The following CLHC1 variants were observed in gnomAD, a reference collection of about 807,000 sequenced individuals.
CLHC1 encodes the protein clathrin heavy chain linker domain-containing protein 1.
Under a neutral mutation model 69.5 loss-of-function variants are expected in CLHC1, and 72 were observed. The ratio of observed to expected loss-of-function variants is 1.04; its 90% CI spans 0.86 to 1.26. The LOEUF is 1.26. Among genes scored for constraint, CLHC1 ranks in the 50% most tolerant of loss-of-function variants. The probability of loss-of-function intolerance (pLI) is 0.00; values close to 1 mark genes in which losing one functional copy is unlikely to be tolerated. For missense variants in CLHC1, 790 were observed against 679.3 expected (o/e 1.16, Z -1.81); for synonymous variants, 223 against 224.3 (o/e 0.99, Z 0.05).
chr2:55,185,874 C>T (rs960027403), intron 9 of CLHC1, among the ~76,000 whole-genome samples: 2 of 152,130 alleles, frequency 1.3e-5, no homozygotes, highest in Non-Finnish European at 2.9e-5. Flanking sequence ...AGAAGTTCTG[C>T]TTCTACCAAT....
chr2:55,173,469 A>G lies in CLHC1; in HGVS notation c.*2321T>C, dbSNP rs1412574396. Among the ~76,000 whole-genome samples the G allele has an allele frequency of 1.3e-5, 2 of 152,190 alleles. No homozygotes were observed. The highest frequency in any genetic ancestry group is 3.8e-4 in the East Asian group (2 of 5,202). On this transcript the variant is annotated 3_prime_UTR_variant, in exon 13 of 13. Transcript: ENST00000401408. ...CAAGAAGCATTGGGAAATAATTTGT[A>G]CCTTTTCAGAATTACTGAATTTTAG...
Position 55,177,787 on chromosome 2 carries a change from G to A in CLHC1, c.1385-6C>T, listed in dbSNP as rs1215408847. 2 of 1,591,698 alleles carry A rather than the reference G, an allele frequency of 1.3e-6. No homozygotes were observed. Among genetic ancestry groups the A allele is most frequent in the Admixed American group, 1.8e-5 (1 of 54,784 alleles). ...TAATAGCTGCAACAGGTCATCTGAA[G>A]GCAAAAATGAAAAAGTTTATCTCAA... On this transcript the variant is annotated splice_region_variant and splice_polypyrimidine_tract_variant and intron_variant, in intron 11 of 12. Transcript: ENST00000401408.
chr2:55,186,440 A>T (rs1436572101), intron 9 of CLHC1, among the ~76,000 whole-genome samples: 1 of 152,158 alleles, frequency 6.6e-6, no homozygotes, highest in Admixed American at 6.5e-5. Flanking sequence ...CAAACAACTG[A>T]CTATAAAAGA....
intron 9 of CLHC1, among the ~76,000 whole-genome samples, chr2:55,187,513 G>A (rs1408287268): frequency 6.6e-6 from 1 of 151,794 alleles, no homozygotes; most frequent in East Asian, 1.9e-4. Context: ...CTCAGTGGTT[G>A]GGGCATAAGA....
At chr2:55,223,314 T>G (rs974645089) in intron 2 of CLHC1, among the ~76,000 whole-genome samples, 12 of 152,224 alleles carry the variant, frequency 7.9e-5, no homozygotes, top group Non-Finnish European at 1.6e-4. Context: ...AGGTCCGGAC[T>G]TCTGCTAAAA....
chr2:55,211,740 T>C (rs1346261313), intron 5 of CLHC1, among the ~76,000 whole-genome samples: 1 of 152,162 alleles, frequency 6.6e-6, no homozygotes, highest in Non-Finnish European at 1.5e-5. Flanking sequence ...TCTCAAAGTC[T>C]TTCTTTTTTC....
intron 12 of CLHC1, 113 bp downstream of exon 12, chr2:55,177,489 T>TC: frequency 1.6e-6 from 1 of 609,456 alleles, no homozygotes; most frequent in Non-Finnish European, 2.7e-6. Context: ...TAAAGTTAAC[T>TC]CTTGCTAAGA....
At chr2:55,200,478 T>C (rs559603204) in intron 9 of CLHC1, among the ~76,000 whole-genome samples, 1 of 152,136 alleles carries the variant, frequency 6.6e-6, no homozygotes, top group South Asian at 2.1e-4. Context: ...CAAGAGGACA[T>C]AACAATTGTA....
chr2:55,220,594 A>T (rs1674015761), intron 3 of CLHC1, among the ~76,000 whole-genome samples: 1 of 152,186 alleles, frequency 6.6e-6, no homozygotes, highest in Non-Finnish European at 1.5e-5. Flanking sequence ...TTAACACCAT[A>T]TGTTTTCTCT....
chr2:55,195,323 T>C (rs1482542987), intron 9 of CLHC1, among the ~76,000 whole-genome samples: 1 of 152,188 alleles, frequency 6.6e-6, no homozygotes, highest in Non-Finnish European at 1.5e-5. Context: ...CTTAGTATAA[T>C]GTGCTCCAGG....
At chr2:55,177,111 G>A (rs953707742) in intron 12 of CLHC1, among the ~76,000 whole-genome samples, 1 of 152,092 alleles carries the variant, frequency 6.6e-6, no homozygotes, top group Non-Finnish European at 1.5e-5. Flanking sequence ...GAGCTCAAGC[G>A]ATCCACCCGC....
chr2:55,209,872 G>A (rs1325531803), intron 5 of CLHC1, 41 bp from the exon 6 acceptor site: 3 of 1,334,004 alleles, frequency 2.2e-6, no homozygotes, highest in African/African-American at 1.5e-5. Context: ...CAAGCCATGT[G>A]TGGGACGCTT....
At position 55,184,263 on chromosome 2, in the gene CLHC1, G is replaced by A. The variant is rs536542904; in HGVS notation, c.1007-2519C>T. Among the ~76,000 whole-genome samples the A allele has an allele frequency of 1.2e-3, 184 of 151,850 alleles. No individual in the cohort carries two copies. In the Middle Eastern group the frequency reaches 0.017, roughly 14 times the overall value. ...TGGGACTATAGTAATGTGCCACCACGGCCGGCTAATTTTTTGTATTTTTTG... is the reference window on the plus strand; with the variant it reads ...TGGGACTATAGTAATGTGCCACCACAGCCGGCTAATTTTTTGTATTTTTTG... On this transcript the variant is annotated intron_variant, in intron 9 of 12. Coordinates refer to ENST00000401408, the MANE Select transcript of CLHC1 (RefSeq NM_152385.4).
intron 9 of CLHC1, among the ~76,000 whole-genome samples, chr2:55,198,649 A>G (rs1484070250): frequency 2.0e-5 from 3 of 152,172 alleles, no homozygotes; most frequent in African/African-American, 4.8e-5. Flanking sequence ...GAAAGCTATC[A>G]ATATTCAAGT....
At chr2:55,197,196 G>A (rs1303160915) in intron 9 of CLHC1, among the ~76,000 whole-genome samples, 2 of 152,156 alleles carry the variant, frequency 1.3e-5, no homozygotes, top group African/African-American at 4.8e-5. Flanking sequence ...ACAGTGCCAG[G>A]TAGATTCCTA....
intron 2 of CLHC1, among the ~76,000 whole-genome samples, chr2:55,226,356 T>C (rs1290975995): frequency 6.6e-6 from 1 of 152,108 alleles, no homozygotes; most frequent in Non-Finnish European, 1.5e-5. Flanking sequence ...TTTCCCTAAT[T>C]ACAGAAGCAT....
rs1669100457 is a variant in CLHC1, at chr2:55,173,166, G to A, written c.*2624C>T. ...AAGAGGAAAAAAGGAGAGAAGACAC[G>A]CTCAAGACAGCAAGACCTAATAGAA... is the stretch of plus-strand genomic sequence containing the variant. On this transcript the variant is annotated 3_prime_UTR_variant, in exon 13 of 13. Transcript: ENST00000401408. Among the ~76,000 whole-genome samples, 1 of 152,156 alleles carries A rather than the reference G, an allele frequency of 6.6e-6. No individual in the cohort carries two copies. Among genetic ancestry groups the A allele is most frequent in the Admixed American group, 6.5e-5 (1 of 15,276 alleles).
chr2:55,205,391 T>A (rs894885505), intron 9 of CLHC1, among the ~76,000 whole-genome samples: 1 of 138,694 alleles, frequency 7.2e-6, no homozygotes, highest in Non-Finnish European at 1.6e-5. Flanking sequence ...GATGATTGGA[T>A]AAAGAAAATA....
At chr2:55,232,348 AG>A (rs1362136985), upstream of CLHC1, 2 of 254,322 alleles carry the variant, frequency 7.9e-6, no homozygotes, top group Non-Finnish European at 1.6e-5. Context: ...AAAGCAGTGG[AG>A]AACTACAGTT....
Sources: allele counts gnomAD v4.1 joint callset (sites outside exome capture counted in the v4.1 genomes callset), GRCh38; gene constraint gnomAD v4.1.1; transcripts MANE v1.5; gene names NCBI Gene and HGNC (gene_info 2026-07-23, HGNC 2026-07-21).